BCAS3: variants seen among roughly 807,000 people sequenced by gnomAD.
BCAS3 encodes BCAS3 microtubule associated cell migration factor.
BCAS3 carries 53 observed loss-of-function variants against 116.1 expected under a neutral mutation model. That is an observed-to-expected ratio of 0.46 (90% CI 0.37 to 0.57). The LOEUF (loss-of-function observed/expected upper bound fraction) is 0.57, where lower values mean the gene tolerates loss of function less well. Ranked by LOEUF, BCAS3 falls within the 20% of genes least tolerant of loss-of-function variation. The pLI is 0.00. For synonymous variants in BCAS3, 391 were observed against 408.2 expected, an observed-to-expected ratio of 0.96 and a Z score of 0.51; for missense variants, 917 against 1,165.4, an observed-to-expected ratio of 0.79 and a Z score of 3.10.
At chr17:61,049,730 CTTTTTTTTTTTT>C in intron 19 of BCAS3, among the ~76,000 whole-genome samples, 1 of 120,814 alleles carries the variant, frequency 8.3e-6, no homozygotes, top group East Asian at 2.3e-4. Context: ...CTTTTCTTTT[CTTTTTTTTTTTT>C]TTTTTTTGAG....
chr17:61,232,646 G>C (rs972309517), intron 22 of BCAS3, among the ~76,000 whole-genome samples: 5 of 152,026 alleles, frequency 3.3e-5, no homozygotes, highest in African/African-American at 1.2e-4. Flanking sequence ...TCCAGGACCG[G>C]TGTTCTCTTT....
chr17:60,889,867 A>C, intron 10 of BCAS3, 96 bp downstream of exon 10: 1 of 1,143,628 alleles, frequency 8.7e-7, no homozygotes, highest in Non-Finnish European at 1.3e-6. Flanking sequence ...ATTACCAATA[A>C]TAAATGTTTT....
In BCAS3 at chr17:60,818,318, G is replaced by A. The variant is rs114163932; in HGVS notation, c.476+10242G>A. On this transcript the variant is annotated intron_variant, in intron 7 of 23. Transcript: ENST00000407086. ...TTGGATTGGCAGAAGTTCATGGAGT[G>A]GTATGTGGAAACCAGTTTCCTAAAG... 1.1e-3 allele frequency among the ~76,000 whole-genome samples: 165 copies of A among 152,314 alleles called. 1 individual carries two copies. Among genetic ancestry groups the A allele is most frequent in the African/African-American group, 3.8e-3 (158 of 41,568 alleles).
At chr17:60,776,482 A>G (rs571866377) in intron 6 of BCAS3, among the ~76,000 whole-genome samples, 1 of 152,322 alleles carries the variant, frequency 6.6e-6, no homozygotes, top group Non-Finnish European at 1.5e-5. Context: ...GCACTTTGGG[A>G]GACCGAGGCT....
chr17:61,341,066 G>T (rs779270905), intron 22 of BCAS3, among the ~76,000 whole-genome samples: 1 of 152,158 alleles, frequency 6.6e-6, no homozygotes, highest in African/African-American at 2.4e-5. Context: ...GAGTATGATC[G>T]GGTTAGTGTT....
At chr17:61,216,714 T>A (rs1234095185) in intron 22 of BCAS3, among the ~76,000 whole-genome samples, 2 of 151,316 alleles carry the variant, frequency 1.3e-5, no homozygotes, top group Non-Finnish European at 2.9e-5. Context: ...CAGCTAATTT[T>A]TGTATTTTTA....
chr17:60,885,517 T>C (rs2056553386), intron 9 of BCAS3, among the ~76,000 whole-genome samples: 1 of 145,624 alleles, frequency 6.9e-6, no homozygotes, highest in African/African-American at 2.6e-5. Flanking sequence ...TGCTCGTTAG[T>C]TGATGCAGTT....
At chr17:61,091,581 T>C (rs1035629432) in intron 22 of BCAS3, among the ~76,000 whole-genome samples, 1 of 152,212 alleles carries the variant, frequency 6.6e-6, no homozygotes, top group Non-Finnish European at 1.5e-5. Flanking sequence ...CCCTCTCCAT[T>C]GAATAGTAAG....
chr17:61,070,393 ATATATATC>A (rs2071283332), intron 19 of BCAS3: 1 of 162,492 alleles, frequency 6.2e-6, no homozygotes, highest in South Asian at 1.5e-4. Context: ...ATATATATAT[ATATATATC>A]TTTTCACCAT....
At chr17:60,911,655 G>C (rs1023378488) in intron 12 of BCAS3, among the ~76,000 whole-genome samples, 1 of 152,020 alleles carries the variant, frequency 6.6e-6, no homozygotes, top group African/African-American at 2.4e-5. Context: ...GGCTGGTCTT[G>C]AACCCCTGGC....
At position 61,282,505 on chromosome 17, in the gene BCAS3, C is replaced by A. The variant is rs1012808120; in HGVS notation, c.2426-85822C>A. 1.8e-4 allele frequency among the ~76,000 whole-genome samples: 27 copies of A among 152,222 alleles called. No individual in the cohort carries two copies. Among genetic ancestry groups the A allele is most frequent in the African/African-American group, 6.3e-4 (26 of 41,448 alleles). The stretch of plus-strand genomic sequence containing the variant: ...GGCTGAAAGAGTTCAAAGGCAAAGT[C>A]TTCTGGGAACTAAAGTTGGTTTCGT... On this transcript the variant is annotated intron_variant, in intron 22 of 23. Coordinates refer to ENST00000407086, the MANE Select transcript of BCAS3 (RefSeq NM_017679.5). This position sits in a 1 kb window ranked among gnomAD's most constrained non-coding sequence, Gnocchi z 5.9.
At position 61,229,270 on chromosome 17, in the gene BCAS3, A is replaced by C. The variant is rs567515087; in HGVS notation, c.2426-139057A>C. On this transcript the variant is annotated intron_variant, in intron 22 of 23. Transcript: ENST00000407086. The surrounding 1 kb of genome is among the most constrained non-coding windows in gnomAD (Gnocchi z 4.4). ...GCTGAGAGAGGTGAGGAAGCTACAGAAGAAAAGTTTGAAGCTAACAGAGGT... is the reference window on the plus strand; with the variant it reads ...GCTGAGAGAGGTGAGGAAGCTACAGCAGAAAAGTTTGAAGCTAACAGAGGT... 8.5e-5 allele frequency among the ~76,000 whole-genome samples: 13 copies of C among 152,338 alleles called. No homozygotes were observed. The South Asian group carries it at 2.7e-3, about 32-fold the overall frequency.
At chr17:60,925,842 AT>A (rs1462332148) in intron 13 of BCAS3, among the ~76,000 whole-genome samples, 1 of 137,088 alleles carries the variant, frequency 7.3e-6, no homozygotes, top group Non-Finnish European at 1.5e-5. Flanking sequence ...AGTCTTTCTG[AT>A]TTTAGATTTT....
At chr17:60,747,578 T>C (rs527316631) in intron 6 of BCAS3, among the ~76,000 whole-genome samples, 7 of 152,192 alleles carry the variant, frequency 4.6e-5, no homozygotes, top group Admixed American at 6.5e-5. Context: ...TCTCTCTTGG[T>C]TTTCATGGCA....
At position 61,082,098 on chromosome 17, in the gene BCAS3, G is replaced by T. The variant is rs1253868594; in HGVS notation, c.2328-2369G>T. On this transcript the variant is annotated intron_variant, in intron 21 of 23. Transcript: ENST00000407086. This position sits in a 1 kb window ranked among gnomAD's most constrained non-coding sequence, Gnocchi z 5.1. ...CCTACACAGAGCAGGTGTTTAAAAA[G>T]AATGGGCAATGAAATATTTGCTAAC... is the stretch of plus-strand genomic sequence containing the variant. Among the ~76,000 whole-genome samples, 1 of 152,188 alleles carries T rather than the reference G, an allele frequency of 6.6e-6. No homozygotes were observed. The highest frequency in any genetic ancestry group is 1.5e-5 in the Non-Finnish European group (1 of 68,032).
chr17:61,130,207 A>C lies in BCAS3; in HGVS notation c.2425+45643A>C, dbSNP rs1400146771. The stretch of plus-strand genomic sequence containing the variant: ...TGTGACTAATTTTAAATTTACTGTA[A>C]ACACTTTTTTATACGTCTCATGCTT... On this transcript the variant is annotated intron_variant, in intron 22 of 23. Transcript: ENST00000407086. This position sits in a 1 kb window ranked among gnomAD's most constrained non-coding sequence, Gnocchi z 5.0. Among the ~76,000 whole-genome samples the C allele has an allele frequency of 6.6e-6, 1 of 152,208 alleles. No individual in the cohort carries two copies. Among genetic ancestry groups the C allele is most frequent in the Non-Finnish European group, 1.5e-5 (1 of 68,050 alleles).
intron 7 of BCAS3, among the ~76,000 whole-genome samples, chr17:60,848,017 T>G (rs1251725881): frequency 1.3e-5 from 2 of 152,198 alleles, no homozygotes; most frequent in Non-Finnish European, 2.9e-5. Context: ...CCTTCATTCT[T>G]TTGCAGAGAA....
At chr17:61,373,804 C>CTTTTTTTTTTTTTTTTTTT (rs201141656) in intron 23 of BCAS3, among the ~76,000 whole-genome samples, 1 of 76,130 alleles carries the variant, frequency 1.3e-5, no homozygotes, top group Non-Finnish European at 2.7e-5. Flanking sequence ...TCTTCTTCTT[C>CTTTTTTTTTTTTTTTTTTT]TTTGTTTTTT....
Position 61,172,774 on chromosome 17 carries a change from C to A in BCAS3, c.2425+88210C>A, listed in dbSNP as rs561457183. 4.5e-4 allele frequency among the ~76,000 whole-genome samples: 69 copies of A among 151,898 alleles called. No homozygotes were observed. In the South Asian group the frequency reaches 0.012, roughly 26 times the overall value. On this transcript the variant is annotated intron_variant, in intron 22 of 23. Transcript: ENST00000407086. ...GCCAAGGCGGGCGGATCACGAGGTC[C>A]GGAGATCGAGACAATCCTGGCTAAC...
Sources: allele counts gnomAD v4.1 joint callset (sites outside exome capture counted in the v4.1 genomes callset), GRCh38; gene constraint gnomAD v4.1.1; non-coding constraint Gnocchi (gnomAD v3.1); transcripts MANE v1.5; gene names NCBI Gene and HGNC (gene_info 2026-07-23, HGNC 2026-07-21).